The following MSANTD3 variants were observed in gnomAD, a reference collection of about 807,000 sequenced individuals.
MSANTD3 encodes the protein myb/SANT-like DNA-binding domain-containing protein 3.
In MSANTD3, 11 loss-of-function variants were observed where a neutral mutation model predicts 27.7. The ratio of observed to expected loss-of-function variants is 0.40; its 90% confidence interval spans 0.25 to 0.66. The LOEUF (loss-of-function observed/expected upper bound fraction) is 0.66, where lower values mean the gene tolerates loss of function less well. MSANTD3 is among the 30% of genes least tolerant of loss of function. The pLI is 0.41. For synonymous variants in MSANTD3, 131 were observed against 127.2 expected (o/e 1.03, Z -0.20); for missense variants, 250 against 336.5 (o/e 0.74, Z 2.01).
intron 2 of MSANTD3, among the ~76,000 whole-genome samples, chr9:100,447,077 T>C (rs927230213): frequency 6.6e-6 from 1 of 152,112 alleles, no homozygotes; most frequent in African/African-American, 2.4e-5. Flanking sequence ...CCCTTGGCTT[T>C]CCTGGTCCCA....
intron 2 of MSANTD3, among the ~76,000 whole-genome samples, 172 bp from the exon 3 acceptor site, chr9:100,450,385 G>C (rs752736361): frequency 3.3e-5 from 5 of 152,094 alleles, no homozygotes; most frequent in Non-Finnish European, 7.4e-5. Flanking sequence ...TTGATTTGTG[G>C]GTTTTTAAAA....
rs372393027 is a variant in MSANTD3 at position 100,441,915 on chromosome 9, C to T, written c.-24C>T. On this transcript the variant is annotated 5_prime_UTR_variant, in exon 2 of 3. Transcript: ENST00000395067. ...AAACTTCCTTTTACAGGATAGCTAG[C>T]GGCCAGGAGAAATACAGTGGAAAAT... The T allele has an allele frequency of 2.0e-5, 32 of 1,570,022 alleles. No individual in the cohort carries two copies. Among genetic ancestry groups the T allele is most frequent in the African/African-American group, 5.5e-5 (4 of 73,170 alleles).
chr9:100,448,861 C>G (rs1272422992), intron 2 of MSANTD3: 1 of 984,868 alleles, frequency 1.0e-6, no homozygotes, highest in Admixed American at 6.2e-5. Context: ...TTAAACTTCT[C>G]TTCCAGAAGT....
intron 1 of MSANTD3, among the ~76,000 whole-genome samples, chr9:100,435,484 A>G (rs1253472689): frequency 1.3e-5 from 2 of 152,206 alleles, no homozygotes; most frequent in Non-Finnish European, 2.9e-5. Context: ...AAAAATCACT[A>G]GATGGTATAT....
intron 1 of MSANTD3, among the ~76,000 whole-genome samples, chr9:100,431,089 A>C (rs1587781800): frequency 6.8e-6 from 1 of 147,760 alleles, no homozygotes. Flanking sequence ...CGCAACTTCC[A>C]CCTCCCGGGT....
chr9:100,435,527 C>T (rs1425604069), intron 1 of MSANTD3, among the ~76,000 whole-genome samples: 2 of 152,212 alleles, frequency 1.3e-5, no homozygotes, highest in Non-Finnish European at 2.9e-5. Flanking sequence ...TAAAATACCA[C>T]AGATTGTGTG....
At chr9:100,431,614 C>CT (rs151140659) in intron 1 of MSANTD3, among the ~76,000 whole-genome samples, 22,415 of 151,438 alleles carry the variant, frequency 0.15, 1,853 homozygotes, top group Middle Eastern at 0.21. Flanking sequence ...CCACTCCCAA[C>CT]TTTTTTTTTA....
chr9:100,435,910 A>G (rs920491486), intron 1 of MSANTD3, among the ~76,000 whole-genome samples: 4 of 152,186 alleles, frequency 2.6e-5, no homozygotes, highest in Non-Finnish European at 5.9e-5. Flanking sequence ...CCATAAACAG[A>G]TGAATTTTTG....
intron 1 of MSANTD3, among the ~76,000 whole-genome samples, chr9:100,437,532 G>GA (rs1393641892): frequency 6.6e-6 from 1 of 152,210 alleles, no homozygotes; most frequent in Non-Finnish European, 1.5e-5. Context: ...CAAGGCTGTT[G>GA]AAAATCCATA....
Position 100,439,042 on chromosome 9 carries a change from G to A in MSANTD3, c.-33-2864G>A, listed in dbSNP as rs550455017. 9.8e-5 allele frequency among the ~76,000 whole-genome samples: 15 copies of A among 152,294 alleles called. No homozygotes were observed. The South Asian group carries it at 1.7e-3, about 17-fold the overall frequency. On this transcript the variant is annotated intron_variant, in intron 1 of 2. Transcript: ENST00000395067. ...CCTCCCAGTGTCTGATACCTGATGT[G>A]TCCAGTATGAATGTAGAGCAGGGTA...
In MSANTD3 at chr9:100,442,299, T is replaced by C; in HGVS notation, c.361T>C (p.Phe121Leu). ...IASMLPEQLYFLQSPPEEEPE... is the reference protein window; with the variant it reads ...IASMLPEQLYLLQSPPEEEPE... ...CAGCATGCTGCCGGAGCAGCTCTACTTCCTGCAGAGCCCCCCGGAGGAGGA... is the reference window on the plus strand; with the variant it reads ...CAGCATGCTGCCGGAGCAGCTCTACCTCCTGCAGAGCCCCCCGGAGGAGGA... Residue 121 changes from phenylalanine (F) to leucine (L), a missense_variant, in exon 2 of 3, where the codon TTC becomes CTC. Phe to Leu is a conservative substitution (Grantham distance 22). Coordinates refer to ENST00000395067, the MANE Select transcript of MSANTD3 (RefSeq NM_080655.3). 6.2e-7 allele frequency: 1 copy of C among 1,614,076 alleles called. No individual in the cohort carries two copies. Among genetic ancestry groups the C allele is most frequent in the Non-Finnish European group, 8.5e-7 (1 of 1,180,014 alleles).
At position 100,428,567 on chromosome 9, in the gene MSANTD3, G is replaced by C. The variant is rs528103683; in HGVS notation, c.-34+1174G>C. Among the ~76,000 whole-genome samples, 317 of 152,180 alleles carry C rather than the reference G, an allele frequency of 2.1e-3. 1 individual carries two copies. The highest frequency in any genetic ancestry group is 2.5e-3 in the Non-Finnish European group (169 of 67,984). ...TGCTGGGCCAGATTTCATCCCTCCC[G>C]TAGAGACCCGGGCTAGGGGACAAAG... On this transcript the variant is annotated intron_variant, in intron 1 of 2. Transcript: ENST00000395067.
intron 2 of MSANTD3, chr9:100,449,043 C>CG: frequency 2.0e-6 from 2 of 984,974 alleles, no homozygotes; most frequent in Middle Eastern, 5.2e-4. Flanking sequence ...TCCAGAATAA[C>CG]GGAGTGGACG....
intron 1 of MSANTD3, among the ~76,000 whole-genome samples, chr9:100,431,303 T>C (rs1376396919): frequency 1.2e-5 from 1 of 85,062 alleles, no homozygotes; most frequent in African/African-American, 5.3e-5. Flanking sequence ...TGCCTAGCCT[T>C]TTTTTTTTTT....
At chr9:100,434,217 C>A (rs903620114) in intron 1 of MSANTD3, among the ~76,000 whole-genome samples, 1 of 152,196 alleles carries the variant, frequency 6.6e-6, no homozygotes, top group African/African-American at 2.4e-5. Flanking sequence ...ACATCCTGCT[C>A]ATTTCTTCCT....
intron 1 of MSANTD3, among the ~76,000 whole-genome samples, chr9:100,441,567 A>T (rs979111764): frequency 1.3e-5 from 2 of 152,068 alleles, no homozygotes; most frequent in Non-Finnish European, 1.5e-5. Flanking sequence ...TGAACCCGGG[A>T]GGTGGAGGTT....
In MSANTD3 at chr9:100,433,859, G is replaced by A. The variant is rs185032585; in HGVS notation, c.-34+6466G>A. Among the ~76,000 whole-genome samples the A allele has an allele frequency of 3.9e-5, 6 of 152,204 alleles. No individual in the cohort carries two copies. The East Asian group carries it at 9.7e-4, about 25-fold the overall frequency. The stretch of plus-strand genomic sequence containing the variant: ...CACCCACCACTTCTGAATATGTTAA[G>A]TCTTTACCTCCCGAGTTGTGGCCCT... On this transcript the variant is annotated intron_variant, in intron 1 of 2. Transcript: ENST00000395067.
At chr9:100,447,647 G>T (rs1034454304) in intron 2 of MSANTD3, among the ~76,000 whole-genome samples, 7 of 152,164 alleles carry the variant, frequency 4.6e-5, no homozygotes, top group Admixed American at 1.3e-4. Flanking sequence ...GTTGAGTTTG[G>T]ATTTTGGAGT....
At chr9:100,434,970 TAC>T (rs140970116) in intron 1 of MSANTD3, among the ~76,000 whole-genome samples, 21,668 of 150,046 alleles carry the variant, frequency 0.14, 1,741 homozygotes, top group Middle Eastern at 0.21. Flanking sequence ...ACACACACCA[TAC>T]ACACACACAC....
Sources: allele counts gnomAD v4.1 joint callset (sites outside exome capture counted in the v4.1 genomes callset), GRCh38; gene constraint gnomAD v4.1.1; transcripts MANE v1.5; gene names NCBI Gene and HGNC (gene_info 2026-07-23, HGNC 2026-07-21).